The following DLG5 variants were observed in gnomAD, a reference collection of about 807,000 sequenced individuals.
The protein encoded by DLG5 is discs large MAGUK scaffold protein 5.
A neutral mutation model predicts 189.8 loss-of-function variants in DLG5; 48 were observed. The ratio of observed to expected loss-of-function variants is 0.25; its 90% confidence interval spans 0.20 to 0.32. The LOEUF is 0.32. DLG5 is among the 10% of genes least tolerant of loss of function. The pLI, the probability that DLG5 is intolerant of heterozygous loss-of-function variation, is 1.00. For synonymous variants in DLG5, 1,016 were observed against 1,054.1 expected, an observed-to-expected ratio of 0.96 and a Z score of 0.70; for missense variants, 2,160 against 2,544.7, an observed-to-expected ratio of 0.85 and a Z score of 3.25.
rs1841793671 is a variant in DLG5, at chr10:77,811,927, G to A, written c.4319C>T (p.Ser1440Phe). Residue 1440 changes from serine to phenylalanine, a missense_variant, in exon 22 of 32, where the codon TCC becomes TTC. Ser to Phe is a radical substitution (Grantham distance 155, BLOSUM62 -2). Around this residue, in one of 5 missense-constraint regions of DLG5, gnomAD observed 574 missense variants for 644.2 expected, o/e 0.89. Coordinates refer to ENST00000372391, the MANE Select transcript of DLG5 (RefSeq NM_004747.4). ...HVHQLSSHSRSSSHLDPAGTH... is the reference protein window; with the variant it reads ...HVHQLSSHSRFSSHLDPAGTH... ...GCCCTGGGAGGCCCGCACTCACCTGGACCGGGAGTGGCTGCTGAGCTGGTG... is the reference window on the plus strand; with the variant it reads ...GCCCTGGGAGGCCCGCACTCACCTGAACCGGGAGTGGCTGCTGAGCTGGTG... 3.1e-6 allele frequency: 5 copies of A among 1,605,144 alleles called. No individual in the cohort carries two copies. Among genetic ancestry groups the A allele is most frequent in the Admixed American group, 3.3e-5 (2 of 59,960 alleles).
At chr10:77,805,569 A>G (rs1400391007) in intron 27 of DLG5, 96 bp downstream of exon 27, 30 of 1,384,406 alleles carry the variant, frequency 2.2e-5, no homozygotes, top group Non-Finnish European at 2.7e-5. Flanking sequence ...AAAGCAAAGT[A>G]AGACTCTCTT....
chr10:77,838,370 G>A (rs565123771), intron 7 of DLG5, among the ~76,000 whole-genome samples: 80 of 152,258 alleles, frequency 5.3e-4, no homozygotes, highest in African/African-American at 1.7e-3. Context: ...CCTCCTGGGA[G>A]CAATGAGACT....
rs770284822 is a variant in DLG5, at chr10:77,815,865, A to AG, written c.4025+685dup. Reference sequence around the variant, plus strand: ...AAACACAATCTAGTAAGTTCCATCTAGGGGAACAACAGAGAGGGATGTGTG... The same window carrying AG: ...AAACACAATCTAGTAAGTTCCATCTAGGGGGAACAACAGAGAGGGATGTGTG... On this transcript the variant is annotated intron_variant, in intron 20 of 31. Transcript: ENST00000372391. 2.7e-4 allele frequency among the ~76,000 whole-genome samples: 41 copies of AG among 152,196 alleles called. 1 individual carries two copies. The highest frequency in any genetic ancestry group is 5.0e-4 in the Non-Finnish European group (34 of 68,030).
Position 77,802,017 on chromosome 10 carries a change from G to A in DLG5, c.5164+3648C>T, listed in dbSNP as rs568851543. 8.1e-4 allele frequency among the ~76,000 whole-genome samples: 123 copies of A among 152,360 alleles called. 1 individual carries two copies. Among genetic ancestry groups the A allele is most frequent in the African/African-American group, 2.9e-3 (120 of 41,582 alleles). On this transcript the variant is annotated intron_variant, in intron 27 of 31. Coordinates refer to ENST00000372391, the MANE Select transcript of DLG5 (RefSeq NM_004747.4). Reference sequence around the variant, plus strand: ...GAGGTGACGTGAAGATGGAGCAGATGAGATTTGAAGATGACAGTGATGTGG... The same window carrying A: ...GAGGTGACGTGAAGATGGAGCAGATAAGATTTGAAGATGACAGTGATGTGG...
intron 2 of DLG5, among the ~76,000 whole-genome samples, chr10:77,860,853 CTCTTGT>C (rs1267548788): frequency 6.6e-6 from 1 of 152,084 alleles, no homozygotes; most frequent in African/African-American, 2.4e-5. Context: ...CTCCAAAGAG[CTCTTGT>C]TCACAGATGT....
Position 77,819,344 on chromosome 10 carries a change from A to G in DLG5, c.3648T>C (p.Ala1216=). The G allele has an allele frequency of 6.2e-7, 1 of 1,614,030 alleles. No individual in the cohort carries two copies. The highest frequency in any genetic ancestry group is 8.5e-7 in the Non-Finnish European group (1 of 1,180,008). ...PCSSPPAARD[A]GPQGLHPSVQ... ...ACCTGGGATGCAAACCCTGGGGGCC[A>G]GCATCTCGGGCCGCAGGTGGAGAGC... Residue 1216 remains alanine (A), a synonymous_variant, in exon 17 of 32, where the codon GCT becomes GCC. Transcript: ENST00000372391.
chr10:77,813,189 C>G (rs1841869278), intron 20 of DLG5, among the ~76,000 whole-genome samples: 1 of 152,232 alleles, frequency 6.6e-6, no homozygotes, highest in Non-Finnish European at 1.5e-5. Flanking sequence ...TCACGCCACT[C>G]AGGGCTTCAT....
chr10:77,847,936 G>A lies in DLG5; in HGVS notation c.865-4230C>T, dbSNP rs369354203. On this transcript the variant is annotated intron_variant, in intron 5 of 31. Transcript: ENST00000372391. The stretch of plus-strand genomic sequence containing the variant: ...TGCCCAGGCTGGTCTTGAACTCCTA[G>A]ACTCAAGTGATACACCCACTTTGGC... Among the ~76,000 whole-genome samples the A allele has an allele frequency of 3.2e-4, 48 of 152,162 alleles. No homozygotes were observed. In the South Asian group the frequency reaches 9.3e-3, roughly 30 times the overall value.
In DLG5 at chr10:77,795,938, C is replaced by A. The variant is rs79440498; in HGVS notation, c.5436+123G>T. On this transcript the variant is annotated intron_variant, in intron 29 of 31. Coordinates refer to ENST00000372391, the MANE Select transcript of DLG5 (RefSeq NM_004747.4). ...AGGCACAGGTGAACTCAGACTAACA[C>A]AACACGGTGGGCTCACTGAAGGTCT... The A allele has an allele frequency of 6.3e-3, 9,060 of 1,435,250 alleles. 474 individuals carry two copies. In the African/African-American group the frequency reaches 0.11, roughly 18 times the overall value. 88.9% of individuals were successfully genotyped at this position (1,435,250 alleles called of 1,614,324 possible).
At chr10:77,868,798 A>G in intron 2 of DLG5, 1 of 341,874 alleles carries the variant, frequency 2.9e-6, no homozygotes, top group Non-Finnish European at 5.3e-6. Flanking sequence ...AAAAGGGGTG[A>G]GTCTCCTGGG....
intron 1 of DLG5, among the ~76,000 whole-genome samples, chr10:77,911,009 A>C (rs1016362188): frequency 8.1e-5 from 12 of 147,820 alleles, no homozygotes; most frequent in African/African-American, 2.0e-4. Context: ...AAAAAAAAAA[A>C]CATAAACAGG....
chr10:77,834,108 G>T, intron 8 of DLG5, 69 bp from the exon 9 acceptor site: 1 of 1,556,828 alleles, frequency 6.4e-7, no homozygotes. Context: ...GTCTGCAGCG[G>T]ATGGTCTGGC....
intron 5 of DLG5, 32 bp from the exon 6 acceptor site, chr10:77,843,738 T>C: frequency 6.2e-7 from 1 of 1,612,500 alleles, no homozygotes; most frequent in Non-Finnish European, 8.5e-7. Context: ...TTACCAAGGG[T>C]CTGTGGGAGG....
chr10:77,919,662 A>G (rs1372737007), intron 1 of DLG5, among the ~76,000 whole-genome samples: 1 of 143,634 alleles, frequency 7.0e-6, no homozygotes. Flanking sequence ...TGACATTCAA[A>G]TTCTATGTGT....
intron 5 of DLG5, among the ~76,000 whole-genome samples, chr10:77,850,652 A>G (rs1461398123): frequency 6.6e-6 from 1 of 152,150 alleles, no homozygotes; most frequent in East Asian, 1.9e-4. Flanking sequence ...CAACATATGC[A>G]GGTCCCAATT....
rs558314268 is a variant in DLG5 at position 77,917,329 on chromosome 10, G to A, written c.304+8888C>T. ...TGCACTGCAGCCTGGGCAAGAGAAC[G>A]AGACTCCATCTCAAAAAAAAACAAA... is the stretch of plus-strand genomic sequence containing the variant. On this transcript the variant is annotated intron_variant, in intron 1 of 31. Coordinates refer to ENST00000372391, the MANE Select transcript of DLG5 (RefSeq NM_004747.4). Among the ~76,000 whole-genome samples the A allele has an allele frequency of 2.0e-3, 296 of 151,704 alleles. 1 individual carries two copies. Among genetic ancestry groups the A allele is most frequent in the African/African-American group, 4.9e-3 (203 of 41,362 alleles).
At chr10:77,898,249 C>A (rs1189351078) in intron 1 of DLG5, among the ~76,000 whole-genome samples, 1 of 152,234 alleles carries the variant, frequency 6.6e-6, no homozygotes, top group Non-Finnish European at 1.5e-5. Flanking sequence ...TCTGTTTCCA[C>A]ATCTCCACCC....
At chr10:77,888,174 C>CGGA (rs1443317870) in intron 1 of DLG5, among the ~76,000 whole-genome samples, 2 of 152,058 alleles carry the variant, frequency 1.3e-5, no homozygotes, top group African/African-American at 4.8e-5. Flanking sequence ...GAGAGGTGGG[C>CGGA]GGGGAGGGCT....
chr10:77,922,122 G>A (rs928595338), intron 1 of DLG5, among the ~76,000 whole-genome samples: 5 of 152,120 alleles, frequency 3.3e-5, no homozygotes, highest in African/African-American at 4.8e-5. Flanking sequence ...GGCAAGCTAC[G>A]GACTAGAATT....
Sources: allele counts gnomAD v4.1 joint callset (sites outside exome capture counted in the v4.1 genomes callset), GRCh38; gene constraint gnomAD v4.1.1; regional missense constraint gnomAD v4.1.1; transcripts MANE v1.5; gene names NCBI Gene and HGNC (gene_info 2026-07-23, HGNC 2026-07-21).